The following NTM variants were observed in gnomAD, a reference collection of about 807,000 sequenced individuals.
NTM encodes IgLON family member 2.
In NTM, 13 loss-of-function variants were observed where a neutral mutation model predicts 42.1. That is an observed-to-expected ratio of 0.31 (90% confidence interval 0.20 to 0.49). The LOEUF is 0.49. NTM is among the 20% of genes least tolerant of loss of function. NTM has a pLI of 0.99. For missense variants in NTM, 373 were observed against 452.8 expected (o/e 0.82, Z 1.60); for synonymous variants, 187 against 179.2 (o/e 1.04, Z -0.35).
intron 1 of NTM, among the ~76,000 whole-genome samples, chr11:131,703,903 C>A (rs1300632248): frequency 1.3e-5 from 2 of 152,094 alleles, no homozygotes; most frequent in Non-Finnish European, 2.9e-5. Context: ...GCCTCGATGG[C>A]CCCGGGCCCC....
intron 3 of NTM, among the ~76,000 whole-genome samples, chr11:132,157,393 C>A (rs2073405570): frequency 6.6e-6 from 1 of 152,128 alleles, no homozygotes; most frequent in African/African-American, 2.4e-5. Context: ...GAGGCATCAG[C>A]TTTTTGTCCT....
chr11:131,406,488 G>T (rs1014396615), intron 1 of NTM, among the ~76,000 whole-genome samples: 9 of 152,052 alleles, frequency 5.9e-5, no homozygotes, highest in African/African-American at 2.2e-4. Context: ...TTATCCTCAC[G>T]GGATAAGTTC....
chr11:131,698,279 C>A (rs1027064636), intron 1 of NTM, among the ~76,000 whole-genome samples: 1 of 152,136 alleles, frequency 6.6e-6, no homozygotes, highest in Non-Finnish European at 1.5e-5. Context: ...AAGGTGTACC[C>A]CCCACCCTAC....
chr11:132,222,027 C>G (rs1029226140), intron 4 of NTM, among the ~76,000 whole-genome samples: 1 of 152,180 alleles, frequency 6.6e-6, no homozygotes, highest in Admixed American at 6.5e-5. Context: ...TGCACATTCT[C>G]ACAGCATTCT....
chr11:132,215,978 A>G (rs1442746011), intron 4 of NTM, among the ~76,000 whole-genome samples: 1 of 152,198 alleles, frequency 6.6e-6, no homozygotes, highest in Non-Finnish European at 1.5e-5. Flanking sequence ...CGTTGGTGGA[A>G]CCCTAACCTT....
intron 1 of NTM, among the ~76,000 whole-genome samples, chr11:131,607,752 T>C (rs2061099567): frequency 6.6e-6 from 1 of 152,220 alleles, no homozygotes; most frequent in South Asian, 2.1e-4. Context: ...TTGTTGTACG[T>C]ATTTACCATC....
At chr11:132,221,651 C>A (rs2085185891) in intron 4 of NTM, among the ~76,000 whole-genome samples, 1 of 152,188 alleles carries the variant, frequency 6.6e-6, no homozygotes, top group African/African-American at 2.4e-5. Context: ...GACATTTCCT[C>A]CAGGTGATTG....
chr11:132,041,986 A>G (rs2077265513), intron 2 of NTM, among the ~76,000 whole-genome samples: 1 of 152,206 alleles, frequency 6.6e-6, no homozygotes. Flanking sequence ...TATCACTTAG[A>G]TTTCCAACCT....
intron 1 of NTM, among the ~76,000 whole-genome samples, chr11:131,595,124 G>C (rs1592156801): frequency 6.6e-6 from 1 of 152,152 alleles, no homozygotes; most frequent in South Asian, 2.1e-4. Flanking sequence ...GGGAGGAAAG[G>C]CAGTGACTTG....
intron 4 of NTM, among the ~76,000 whole-genome samples, chr11:132,216,718 A>G (rs1187728904): frequency 6.6e-6 from 1 of 152,196 alleles, no homozygotes; most frequent in East Asian, 1.9e-4. Context: ...TGTTTAATAA[A>G]TATTGGTCAG....
chr11:131,810,925 C>A (rs1037285872), intron 1 of NTM, among the ~76,000 whole-genome samples: 8 of 152,154 alleles, frequency 5.3e-5, no homozygotes, highest in African/African-American at 1.9e-4. Flanking sequence ...GTGTTGCAGT[C>A]AGCTTATGGT....
At chr11:132,075,265 G>A (rs766408123) in intron 2 of NTM, among the ~76,000 whole-genome samples, 36 of 152,256 alleles carry the variant, frequency 2.4e-4, no homozygotes, top group Non-Finnish European at 2.6e-4. Context: ...TGTACCTCTG[G>A]TTACCGTATT....
At chr11:132,268,662 CTCTCTCTCTGTGTG>C (rs1355424563) in intron 4 of NTM, among the ~76,000 whole-genome samples, 2 of 67,866 alleles carry the variant, frequency 2.9e-5, no homozygotes, top group Non-Finnish European at 3.6e-5. Context: ...GGGGTCCTCT[CTCTCTCTCTGTGTG>C]TGTGTGTGTG....
rs1246868999 is a variant in NTM at position 132,335,390 on chromosome 11, C to T, written c.*244C>T. 12 of 464,544 alleles carry T rather than the reference C, an allele frequency of 2.6e-5. No homozygotes were observed. The highest frequency in any genetic ancestry group is 1.7e-4 in the East Asian group (4 of 23,546). 28.8% of individuals were successfully genotyped at this position (464,544 alleles called of 1,614,324 possible). A position where few individuals can be genotyped will look rare whatever the true frequency, so the allele number is the denominator to read the frequency against. On this transcript the variant is annotated 3_prime_UTR_variant, in exon 9 of 9. Coordinates refer to ENST00000683400, the MANE Select transcript of NTM (RefSeq NM_001352005.2). ...TACAATGGAGTTTTCTTTTCCCAAA[C>T]GGGAAGAACACAGCACACCCGGCTT...
chr11:131,671,520 C>A, intron 1 of NTM: 1 of 981,120 alleles, frequency 1.0e-6, no homozygotes, highest in Non-Finnish European at 1.2e-6. Flanking sequence ...CCGGTGGCTG[C>A]CCTCACCCTC....
intron 1 of NTM, among the ~76,000 whole-genome samples, chr11:131,620,915 T>C (rs894567849): frequency 2.0e-5 from 3 of 152,244 alleles, no homozygotes; most frequent in African/African-American, 7.2e-5. Flanking sequence ...ATAGTAGATG[T>C]CCAATAGCTA....
At chr11:132,160,093 A>C (rs1355943132) in intron 3 of NTM, among the ~76,000 whole-genome samples, 5 of 152,166 alleles carry the variant, frequency 3.3e-5, no homozygotes, top group Non-Finnish European at 7.4e-5. Flanking sequence ...TTTTCTAAAG[A>C]GTTACCTGGC....
intron 4 of NTM, among the ~76,000 whole-genome samples, chr11:132,271,343 A>ATACTG (rs2093466432): frequency 6.6e-6 from 1 of 152,144 alleles, no homozygotes; most frequent in Non-Finnish European, 1.5e-5. Flanking sequence ...ATTGTGAGTA[A>ATACTG]TACTGTTATG....
At chr11:131,755,719 A>T (rs1184799770) in intron 1 of NTM, among the ~76,000 whole-genome samples, 1 of 152,232 alleles carries the variant, frequency 6.6e-6, no homozygotes, top group East Asian at 1.9e-4. Flanking sequence ...TTATAAAGCT[A>T]TTCACATAGA....
Sources: allele counts gnomAD v4.1 joint callset (sites outside exome capture counted in the v4.1 genomes callset), GRCh38; gene constraint gnomAD v4.1.1; transcripts MANE v1.5; gene names NCBI Gene and HGNC (gene_info 2026-07-23, HGNC 2026-07-21).